The following ARMC9 variants were observed in gnomAD, a reference collection of about 807,000 sequenced individuals.
The protein encoded by ARMC9 is armadillo repeat containing 9.
In ARMC9, 94 loss-of-function variants were observed where a neutral mutation model predicts 107.0. That is an observed-to-expected ratio of 0.88 (90% CI 0.74 to 1.04). ARMC9 has a LOEUF of 1.04. ARMC9 is among the 50% of genes least tolerant of loss of function. The pLI is 0.00. For missense variants in ARMC9, 942 were observed against 1,030.1 expected (o/e 0.91, Z 1.17); for synonymous variants, 380 against 396.9 (o/e 0.96, Z 0.51).
intron 7 of ARMC9, among the ~76,000 whole-genome samples, chr2:231,231,586 G>A (rs1041506164): frequency 2.6e-5 from 4 of 151,792 alleles, no homozygotes; most frequent in African/African-American, 4.8e-5. Context: ...ATTTCACCAC[G>A]TTGGCCAGGC....
intron 11 of ARMC9, among the ~76,000 whole-genome samples, chr2:231,260,408 G>A (rs2038223013): frequency 6.6e-6 from 1 of 152,122 alleles, no homozygotes; most frequent in African/African-American, 2.4e-5. Flanking sequence ...TTCTTTAACT[G>A]AACAGTCCAT....
intron 19 of ARMC9, among the ~76,000 whole-genome samples, chr2:231,315,148 A>G (rs1396927036): frequency 6.6e-6 from 1 of 151,508 alleles, no homozygotes; most frequent in Non-Finnish European, 1.5e-5. Flanking sequence ...CTGAGGCAGG[A>G]GAATCACTTG....
chr2:231,336,164 A>G (rs2044075378), intron 20 of ARMC9, among the ~76,000 whole-genome samples: 1 of 151,964 alleles, frequency 6.6e-6, no homozygotes. Context: ...TAGCTCCATC[A>G]CCTGGGTTAA....
chr2:231,337,556 A>G (rs113900830), intron 20 of ARMC9, among the ~76,000 whole-genome samples: 22,381 of 102,450 alleles, frequency 0.22, 5,769 homozygotes, highest in African/African-American at 0.62. Context: ...TGCAAGCTCC[A>G]CCTCCCGGGT....
intron 1 of ARMC9, among the ~76,000 whole-genome samples, chr2:231,204,181 A>C: frequency 6.7e-6 from 1 of 150,174 alleles, no homozygotes; most frequent in African/African-American, 2.4e-5. Context: ...CTCAGGAAAA[A>C]AAAAAAAAAA....
chr2:231,206,177 T>G lies in ARMC9; in HGVS notation c.-41-21T>G, dbSNP rs2031958476. On this transcript the variant is annotated intron_variant, in intron 1 of 24. Coordinates refer to ENST00000611582, the MANE Select transcript of ARMC9 (RefSeq NM_001352754.2). ...TAGGTGGTTGAAATGAAAGCTGTTG[T>G]CTTGTATTTTTGCCTTCTAGAGATT... 6 of 1,414,978 alleles carry G rather than the reference T, an allele frequency of 4.2e-6. No individual in the cohort carries two copies. The South Asian group carries it at 6.9e-5, about 16-fold the overall frequency. 87.7% of individuals were successfully genotyped at this position (1,414,978 alleles called of 1,614,324 possible). A position where few individuals can be genotyped will look rare whatever the true frequency, so the allele number is the denominator to read the frequency against.
At chr2:231,325,314 G>A (rs2043252891) in intron 19 of ARMC9, among the ~76,000 whole-genome samples, 1 of 152,214 alleles carries the variant, frequency 6.6e-6, no homozygotes, top group Admixed American at 6.5e-5. Flanking sequence ...TTGTGTTTAT[G>A]TAAGTTGATT....
At chr2:231,222,850 T>C (rs533807604) in intron 6 of ARMC9, 30 bp downstream of exon 6, 2 of 1,449,104 alleles carry the variant, frequency 1.4e-6, no homozygotes, top group South Asian at 2.4e-5. Flanking sequence ...AGAGACCACC[T>C]ATGGTTTTAG....
At chr2:231,281,419 A>G (rs1447080278) in intron 16 of ARMC9, among the ~76,000 whole-genome samples, 1 of 152,204 alleles carries the variant, frequency 6.6e-6, no homozygotes, top group Non-Finnish European at 1.5e-5. Flanking sequence ...AGGAAGAAGC[A>G]GAGGTCATGA....
intron 12 of ARMC9, among the ~76,000 whole-genome samples, chr2:231,264,802 T>A (rs564213979): frequency 6.3e-4 from 96 of 152,230 alleles, no homozygotes; most frequent in Middle Eastern, 3.4e-3. Flanking sequence ...CAGCCTGGTT[T>A]ATTTTTTTAA....
intron 20 of ARMC9, among the ~76,000 whole-genome samples, chr2:231,339,056 G>T (rs539057842): frequency 2.6e-5 from 4 of 152,336 alleles, no homozygotes; most frequent in Admixed American, 6.5e-5. Context: ...TAGGCTGGGT[G>T]TGGTGGCTCA....
At chr2:231,264,468 T>C (rs1317769935) in intron 12 of ARMC9, among the ~76,000 whole-genome samples, 2 of 151,764 alleles carry the variant, frequency 1.3e-5, no homozygotes, top group African/African-American at 4.8e-5. Context: ...CGTGAGCCAC[T>C]GTGCCCAGCT....
In ARMC9 at chr2:231,206,044, T is replaced by C. The variant is rs116646193; in HGVS notation, c.-41-154T>C. Among the ~76,000 whole-genome samples the C allele has an allele frequency of 3.3e-3, 502 of 152,340 alleles. 3 individuals carry two copies. Among genetic ancestry groups the C allele is most frequent in the African/African-American group, 0.012 (482 of 41,574 alleles). On this transcript the variant is annotated intron_variant, in intron 1 of 24. Coordinates refer to ENST00000611582, the MANE Select transcript of ARMC9 (RefSeq NM_001352754.2). ...AACCTTAATTCCATCTGCACCTTAA[T>C]TCCCCCTTGCCGTGTAACCTCACGT... is the stretch of plus-strand genomic sequence containing the variant.
At chr2:231,361,473 AG>A (rs1482797886) in intron 23 of ARMC9, among the ~76,000 whole-genome samples, 6 of 150,968 alleles carry the variant, frequency 4.0e-5, no homozygotes, top group African/African-American at 1.2e-4. Flanking sequence ...AAAAAAAAAA[AG>A]AAAAGAAAAA....
chr2:231,282,845 T>G (rs2040313308), intron 17 of ARMC9, among the ~76,000 whole-genome samples: 1 of 152,218 alleles, frequency 6.6e-6, no homozygotes, highest in African/African-American at 2.4e-5. Context: ...CACTAAACAG[T>G]GGACCTTAAT....
intron 1 of ARMC9, 122 bp from the exon 2 acceptor site, chr2:231,206,076 A>G (rs1225868250): frequency 4.5e-6 from 3 of 672,972 alleles, no homozygotes; most frequent in African/African-American, 1.9e-5. Flanking sequence ...ACGTATTCAC[A>G]GGTTCTGGGG....
intron 12 of ARMC9, among the ~76,000 whole-genome samples, chr2:231,270,226 CT>C (rs953602404): frequency 4.6e-5 from 7 of 152,264 alleles, no homozygotes; most frequent in African/African-American, 1.7e-4. Context: ...ACTAACCCCC[CT>C]CTCCATTTTG....
chr2:231,314,594 G>T (rs1040075837), intron 19 of ARMC9, among the ~76,000 whole-genome samples: 10 of 152,158 alleles, frequency 6.6e-5, no homozygotes, highest in African/African-American at 2.4e-4. Context: ...GTGTTTAGCG[G>T]CATCCATGGC....
At chr2:231,230,558 A>T (rs1057470134) in intron 7 of ARMC9, among the ~76,000 whole-genome samples, 1 of 152,192 alleles carries the variant, frequency 6.6e-6, no homozygotes, top group African/African-American at 2.4e-5. Context: ...CTGCAAGGTG[A>T]TGTCTCTGGG....
Sources: allele counts gnomAD v4.1 joint callset (sites outside exome capture counted in the v4.1 genomes callset), GRCh38; gene constraint gnomAD v4.1.1; transcripts MANE v1.5; gene names NCBI Gene and HGNC (gene_info 2026-07-23, HGNC 2026-07-21).